Variants in WWOX observed in about 807,000 individuals in gnomAD.
The protein encoded by WWOX is WW domain containing oxidoreductase.
Under a neutral mutation model 46.2 loss-of-function variants are expected in WWOX, and 69 were observed. That is an observed-to-expected ratio of 1.49 (90% CI 1.23 to 1.82). The LOEUF is 1.82. Among genes scored for constraint, WWOX ranks in the 40% most tolerant of loss-of-function variants. The pLI, the probability that WWOX is intolerant of heterozygous loss-of-function variation, is 0.00. For missense variants in WWOX, 919 were observed against 542.6 expected (o/e 1.69, Z -6.89); for synonymous variants, 359 against 202.6 (o/e 1.77, Z -6.56).
At chr16:78,732,451 G>GA (rs1422587144) in intron 8 of WWOX, among the ~76,000 whole-genome samples, 1 of 152,178 alleles carries the variant, frequency 6.6e-6, no homozygotes, top group East Asian at 1.9e-4. Flanking sequence ...GCCCTCAGAT[G>GA]ATTCCAGTTT....
intron 8 of WWOX, among the ~76,000 whole-genome samples, chr16:78,820,282 T>C (rs1263762318): frequency 6.6e-6 from 1 of 152,182 alleles, no homozygotes; most frequent in Admixed American, 6.5e-5. Flanking sequence ...CAGAATGTCC[T>C]TTCCATGTGT....
intron 5 of WWOX, among the ~76,000 whole-genome samples, chr16:78,310,937 G>A (rs1157994931): frequency 6.6e-6 from 1 of 152,206 alleles, no homozygotes; most frequent in Non-Finnish European, 1.5e-5. Flanking sequence ...CATCGGAGTG[G>A]ATGCTTGGGA....
Position 78,564,760 on chromosome 16 carries a change from T to G in WWOX, c.1056+132008T>G, listed in dbSNP as rs369144653. On this transcript the variant is annotated intron_variant, in intron 8 of 8. Transcript: ENST00000566780. Reference sequence around the variant, plus strand: ...TACCTCTCTGGCAACTAATTTCACCTATTTCCTTATTTGTTTAAAAATTTT... The same window carrying G: ...TACCTCTCTGGCAACTAATTTCACCGATTTCCTTATTTGTTTAAAAATTTT... Among the ~76,000 whole-genome samples the G allele has an allele frequency of 3.3e-5, 5 of 152,344 alleles. No individual in the cohort carries two copies. The East Asian group carries it at 7.7e-4, about 24-fold the overall frequency.
chr16:78,178,240 G>A (rs539424861), intron 5 of WWOX, among the ~76,000 whole-genome samples: 2 of 152,280 alleles, frequency 1.3e-5, no homozygotes, highest in Admixed American at 1.3e-4. Context: ...CTGGTCCCCC[G>A]TCCCAGCACT....
At chr16:78,821,555 C>T (rs564565693) in intron 8 of WWOX, among the ~76,000 whole-genome samples, 1 of 152,338 alleles carries the variant, frequency 6.6e-6, no homozygotes, top group African/African-American at 2.4e-5. Context: ...CCATTCCCAA[C>T]AGTGTCCCAG....
At chr16:79,162,775 G>C (rs1273078318) in intron 8 of WWOX, among the ~76,000 whole-genome samples, 1 of 152,192 alleles carries the variant, frequency 6.6e-6, no homozygotes, top group East Asian at 1.9e-4. Flanking sequence ...CCTGGAAGCT[G>C]TGCTGGGGGA....
chr16:78,681,831 C>T (rs2047737146), intron 8 of WWOX, among the ~76,000 whole-genome samples: 1 of 152,162 alleles, frequency 6.6e-6, no homozygotes, highest in African/African-American at 2.4e-5. Flanking sequence ...TTCTTTTCTT[C>T]AACTTTGGTG....
chr16:78,946,413 A>G (rs140505750), intron 8 of WWOX, among the ~76,000 whole-genome samples: 1 of 151,542 alleles, frequency 6.6e-6, no homozygotes, highest in Non-Finnish European at 1.5e-5. Flanking sequence ...CTGGTCTTGA[A>G]CTCCTGACCT....
intron 8 of WWOX, among the ~76,000 whole-genome samples, chr16:78,492,547 C>T (rs958606673): frequency 1.3e-5 from 2 of 152,192 alleles, no homozygotes; most frequent in African/African-American, 4.8e-5. Context: ...GAGACAGTCC[C>T]TGACCCTGGG....
chr16:78,897,833 T>G (rs2044737646), intron 8 of WWOX: 1 of 152,166 alleles, frequency 6.6e-6, no homozygotes, highest in Non-Finnish European at 1.5e-5. Flanking sequence ...ATCAGCACTT[T>G]GTAATTTCAG....
At chr16:78,729,926 C>T (rs145121949) in intron 8 of WWOX, among the ~76,000 whole-genome samples, 1 of 152,174 alleles carries the variant, frequency 6.6e-6, no homozygotes, top group African/African-American at 2.4e-5. Flanking sequence ...TAAACAGACA[C>T]AGTGCAATGC....
At chr16:78,420,432 C>A (rs1384255793) in intron 6 of WWOX, among the ~76,000 whole-genome samples, 1 of 151,894 alleles carries the variant, frequency 6.6e-6, no homozygotes, top group Non-Finnish European at 1.5e-5. Flanking sequence ...TATTATTTGC[C>A]CATTAAAAAG....
chr16:79,114,606 A>G (rs1328815902), intron 8 of WWOX, among the ~76,000 whole-genome samples: 14 of 152,230 alleles, frequency 9.2e-5, no homozygotes, highest in Admixed American at 9.1e-4. Flanking sequence ...GCAGCGCCAG[A>G]GACACCTTGA....
chr16:78,737,144 G>A (rs538183776), intron 8 of WWOX, among the ~76,000 whole-genome samples: 73 of 152,016 alleles, frequency 4.8e-4, no homozygotes, highest in Non-Finnish European at 1.0e-3. Context: ...CTGTCACCCA[G>A]GCTGGAGTGC....
intron 6 of WWOX, among the ~76,000 whole-genome samples, chr16:78,411,814 G>A (rs748683786): frequency 3.3e-5 from 5 of 152,160 alleles, no homozygotes; most frequent in Non-Finnish European, 7.4e-5. Flanking sequence ...ATTGTCTTAG[G>A]TTGGTGATCC....
At chr16:78,306,919 G>T (rs2080145083) in intron 5 of WWOX, among the ~76,000 whole-genome samples, 1 of 152,136 alleles carries the variant, frequency 6.6e-6, no homozygotes, top group Admixed American at 6.5e-5. Context: ...TGAGTAGTCT[G>T]CCCACTCTCC....
At chr16:78,945,717 T>A (rs2151296594) in intron 8 of WWOX, among the ~76,000 whole-genome samples, 1 of 152,296 alleles carries the variant, frequency 6.6e-6, no homozygotes, top group Middle Eastern at 3.4e-3. Context: ...TGCATTGTCT[T>A]GCTTCATTCA....
At chr16:78,370,062 C>T (rs73567194) in intron 5 of WWOX, among the ~76,000 whole-genome samples, 2,107 of 135,040 alleles carry the variant, frequency 0.016, 55 homozygotes, top group African/African-American at 0.057. Context: ...AGCTTGGGAG[C>T]TGGAGCTTGC....
At chr16:78,225,919 G>A (rs551084376) in intron 5 of WWOX, among the ~76,000 whole-genome samples, 1 of 152,142 alleles carries the variant, frequency 6.6e-6, no homozygotes, top group African/African-American at 2.4e-5. Context: ...TCTAAATAGT[G>A]CATTGTCTGT....
Sources: gnomAD v4.1 joint callset for allele counts (sites outside exome capture counted in the v4.1 genomes callset) on GRCh38, gnomAD v4.1.1 for gene constraint, MANE v1.5 for transcripts, NCBI Gene and HGNC (gene_info 2026-07-23, HGNC 2026-07-21) for gene names.